The following RSRC1 variants were observed in gnomAD, a reference collection of about 807,000 sequenced individuals.
RSRC1 encodes arginine and serine rich coiled-coil 1.
RSRC1 carries 39 observed loss-of-function variants against 49.1 expected under a neutral mutation model. That is an observed-to-expected ratio of 0.79 (90% CI 0.61 to 1.04). The LOEUF (loss-of-function observed/expected upper bound fraction) is 1.04. Ranked by LOEUF, RSRC1 falls within the 50% of genes least tolerant of loss-of-function variation. RSRC1 has a pLI of 0.00. For synonymous variants in RSRC1, 143 were observed against 130.8 expected (o/e 1.09, Z -0.63); for missense variants, 388 against 402.4 (o/e 0.96, Z 0.31).
rs1434008321 is a variant in RSRC1 at position 158,110,168 on chromosome 3, G to T, written c.-58G>T. ...CGCCCTGATCTAAAGAAACGACTCAGGGACTGCGGCGCTTGCACGTCAACG... is the reference window on the plus strand; with the variant it reads ...CGCCCTGATCTAAAGAAACGACTCATGGACTGCGGCGCTTGCACGTCAACG... On this transcript the variant is annotated 5_prime_UTR_variant, in exon 1 of 10. The change creates a new upstream start codon in the 5' untranslated region. Coordinates refer to ENST00000611884, the MANE Select transcript of RSRC1 (RefSeq NM_001271838.2). 6.6e-6 allele frequency: 1 copy of T among 152,258 alleles called. No homozygotes were observed. The highest frequency in any genetic ancestry group is 1.5e-5 in the Non-Finnish European group (1 of 68,058). 9.4% of individuals were successfully genotyped at this position (152,258 alleles called of 1,614,324 possible).
At chr3:158,543,789 A>G (rs1481717479) in intron 9 of RSRC1, 7 of 310,126 alleles carry the variant, frequency 2.3e-5, no homozygotes, top group Non-Finnish European at 4.1e-5. Flanking sequence ...CACCATGAGA[A>G]GTGTTTGTTT....
chr3:158,199,757 T>G (rs899787242), intron 3 of RSRC1, among the ~76,000 whole-genome samples: 2 of 152,182 alleles, frequency 1.3e-5, no homozygotes, highest in Non-Finnish European at 2.9e-5. Context: ...CCTTTGTGCT[T>G]TCTTACTTTA....
At chr3:158,500,297 G>A (rs928302509) in intron 7 of RSRC1, among the ~76,000 whole-genome samples, 3 of 152,204 alleles carry the variant, frequency 2.0e-5, no homozygotes, top group Admixed American at 6.5e-5. Flanking sequence ...TAGCATCTAT[G>A]TTCATCAAGG....
intron 4 of RSRC1, among the ~76,000 whole-genome samples, chr3:158,218,912 C>T (rs11711983): frequency 0.046 from 7,032 of 151,652 alleles, 218 homozygotes; most frequent in Non-Finnish European, 0.07. Flanking sequence ...GAATAAGACA[C>T]GGTCTTTGAT....
At chr3:158,428,366 C>G (rs968685427) in intron 6 of RSRC1, among the ~76,000 whole-genome samples, 2 of 151,822 alleles carry the variant, frequency 1.3e-5, no homozygotes, top group African/African-American at 2.4e-5. Context: ...GATGAGGGCA[C>G]TACTCTTAGG....
At chr3:158,381,739 T>G (rs1167501556) in intron 6 of RSRC1, among the ~76,000 whole-genome samples, 1 of 152,102 alleles carries the variant, frequency 6.6e-6, no homozygotes, top group Non-Finnish European at 1.5e-5. Context: ...TCTAAACATA[T>G]CTAAACATAG....
intron 4 of RSRC1, among the ~76,000 whole-genome samples, chr3:158,276,787 C>G (rs1725843008): frequency 6.6e-6 from 1 of 152,130 alleles, no homozygotes; most frequent in African/African-American, 2.4e-5. Context: ...TATTTCTTAA[C>G]TTATATCTGT....
chr3:158,143,122 A>G (rs913890076), intron 3 of RSRC1, among the ~76,000 whole-genome samples: 8 of 152,194 alleles, frequency 5.3e-5, no homozygotes, highest in Non-Finnish European at 1.2e-4. Context: ...AGTTGTGTGC[A>G]TCGTCAGGTA....
chr3:158,364,026 G>T (rs550333127), intron 6 of RSRC1, among the ~76,000 whole-genome samples: 7 of 152,096 alleles, frequency 4.6e-5, no homozygotes, highest in Middle Eastern at 3.2e-3. Flanking sequence ...TTTTTCTGCA[G>T]CCTGTTAAAC....
At chr3:158,122,957 A>C (rs570647824) in intron 2 of RSRC1, among the ~76,000 whole-genome samples, 2 of 152,166 alleles carry the variant, frequency 1.3e-5, no homozygotes, top group African/African-American at 4.8e-5. Flanking sequence ...TATGTGCCAC[A>C]TTTTCTTAAT....
intron 5 of RSRC1, among the ~76,000 whole-genome samples, chr3:158,326,258 A>G (rs1236208012): frequency 6.6e-6 from 1 of 152,200 alleles, no homozygotes; most frequent in Admixed American, 6.5e-5. Context: ...CAGAACTTCC[A>G]ACACTATGTT....
chr3:158,426,306 A>G (rs150190854), intron 6 of RSRC1, among the ~76,000 whole-genome samples: 4 of 151,826 alleles, frequency 2.6e-5, no homozygotes, highest in South Asian at 2.1e-4. Flanking sequence ...TTCAATGTAT[A>G]TAACTGACAA....
intron 7 of RSRC1, among the ~76,000 whole-genome samples, chr3:158,514,478 G>T (rs1224779476): frequency 6.6e-6 from 1 of 152,218 alleles, no homozygotes; most frequent in Non-Finnish European, 1.5e-5. Context: ...TGTGGTCTGA[G>T]AGATAGTTTG....
intron 3 of RSRC1, among the ~76,000 whole-genome samples, chr3:158,200,587 G>T (rs989455139): frequency 1.3e-5 from 2 of 151,268 alleles, no homozygotes; most frequent in Non-Finnish European, 2.9e-5. Flanking sequence ...GCTTCCTTTT[G>T]GATTAATGAG....
rs17628276 is a variant in RSRC1, at chr3:158,455,158, G to A, written c.584-5777G>A. Among the ~76,000 whole-genome samples the A allele has an allele frequency of 6.6e-3, 1,010 of 152,158 alleles. 5 individuals carry two copies. Among genetic ancestry groups the A allele is most frequent in the Non-Finnish European group, 0.01 (714 of 68,002 alleles). On this transcript the variant is annotated intron_variant, in intron 6 of 9. Coordinates refer to ENST00000611884, the MANE Select transcript of RSRC1 (RefSeq NM_001271838.2). ...TTTGTATAGTCATCTGAACGTGATT[G>A]GGCTTTGATTTCCTCTAATCATTTT...
intron 4 of RSRC1, among the ~76,000 whole-genome samples, chr3:158,265,537 A>G (rs1261856176): frequency 6.6e-6 from 1 of 152,106 alleles, no homozygotes; most frequent in Non-Finnish European, 1.5e-5. Flanking sequence ...AAGCTGAGAC[A>G]GGAGAATTGC....
At chr3:158,363,842 A>G (rs1731613841) in intron 6 of RSRC1, among the ~76,000 whole-genome samples, 1 of 152,192 alleles carries the variant, frequency 6.6e-6, no homozygotes, top group Non-Finnish European at 1.5e-5. Context: ...TGAAAAATCT[A>G]AAGTAATGTT....
intron 6 of RSRC1, among the ~76,000 whole-genome samples, chr3:158,412,040 C>G (rs1236630468): frequency 2.0e-5 from 3 of 152,004 alleles, no homozygotes. Flanking sequence ...CATTTTTATC[C>G]TAAAGATAGT....
At chr3:158,223,067 C>G in intron 4 of RSRC1, among the ~76,000 whole-genome samples, 1 of 151,718 alleles carries the variant, frequency 6.6e-6, no homozygotes, top group Non-Finnish European at 1.5e-5. Flanking sequence ...CAAGTGACTT[C>G]TATTCTGCCA....
Sources: gnomAD v4.1 joint callset for allele counts (sites outside exome capture counted in the v4.1 genomes callset) on GRCh38, gnomAD v4.1.1 for gene constraint, MANE v1.5 for transcripts, NCBI Gene and HGNC (gene_info 2026-07-23, HGNC 2026-07-21) for gene names.